Variants in EPB41L5 observed in about 807,000 individuals in gnomAD.
The protein encoded by EPB41L5 is erythrocyte membrane protein band 4.1 like 5.
EPB41L5 carries 55 observed loss-of-function variants against 106.6 expected under a neutral mutation model. The ratio of observed to expected loss-of-function variants is 0.52; its 90% confidence interval spans 0.42 to 0.65. The LOEUF is 0.65. EPB41L5 is among the 30% of genes least tolerant of loss of function. The pLI is 0.00. For missense variants in EPB41L5, 871 were observed against 882.1 expected, an observed-to-expected ratio of 0.99 and a Z score of 0.16; for synonymous variants, 297 against 306.7, an observed-to-expected ratio of 0.97 and a Z score of 0.33.
intron 18 of EPB41L5, among the ~76,000 whole-genome samples, chr2:120,139,068 A>G (rs1044301856): frequency 2.6e-5 from 4 of 152,106 alleles, no homozygotes; most frequent in African/African-American, 9.7e-5. Context: ...GGTGCCAAGA[A>G]CATACACTGG....
At chr2:120,013,314 G>A (rs1156974035) in intron 1 of EPB41L5, 104 bp downstream of exon 1, 4 of 152,246 alleles carry the variant, frequency 2.6e-5, no homozygotes, top group Admixed American at 6.5e-5. Context: ...TGTCCCCGGG[G>A]AGGCGGGCGG....
chr2:120,167,599 AT>A, intron 23 of EPB41L5, 92 bp downstream of exon 23: 1 of 1,356,908 alleles, frequency 7.4e-7, no homozygotes, highest in Non-Finnish European at 1.0e-6. Flanking sequence ...CCTTAAAAAC[AT>A]GAGGGTTGTT....
At chr2:120,060,575 T>C (rs1470956133) in intron 3 of EPB41L5, among the ~76,000 whole-genome samples, 2 of 152,152 alleles carry the variant, frequency 1.3e-5, no homozygotes, top group East Asian at 3.8e-4. Flanking sequence ...ATTATAGAGA[T>C]TGAGATCAAA....
chr2:120,061,841 T>C (rs575153545), intron 3 of EPB41L5, among the ~76,000 whole-genome samples: 2 of 152,324 alleles, frequency 1.3e-5, no homozygotes, highest in African/African-American at 4.8e-5. Context: ...TCTTAAATTG[T>C]TTGGAAAGCT....
chr2:120,157,582 C>T (rs1686954566), intron 20 of EPB41L5, among the ~76,000 whole-genome samples: 1 of 151,958 alleles, frequency 6.6e-6, no homozygotes, highest in African/African-American at 2.4e-5. Context: ...CCAGCCTGAC[C>T]AACATGGCAA....
intron 16 of EPB41L5, among the ~76,000 whole-genome samples, chr2:120,111,282 G>A (rs533420075): frequency 1.3e-5 from 2 of 152,292 alleles, no homozygotes; most frequent in East Asian, 1.9e-4. Context: ...GTGATATTGG[G>A]CATCCCGAAT....
chr2:120,083,315 CATT>C (rs1682818087), intron 10 of EPB41L5, among the ~76,000 whole-genome samples: 2 of 152,182 alleles, frequency 1.3e-5, no homozygotes, highest in African/African-American at 4.8e-5. Flanking sequence ...TCTTTGTTCT[CATT>C]GGTTTCAAAG....
intron 16 of EPB41L5, among the ~76,000 whole-genome samples, chr2:120,120,344 A>C (rs1685154007): frequency 6.7e-6 from 1 of 150,334 alleles, no homozygotes; most frequent in Non-Finnish European, 1.5e-5. Context: ...AGACAGGAGA[A>C]TCGCTTGAAC....
chr2:120,028,012 A>G (rs1206398062), intron 2 of EPB41L5, among the ~76,000 whole-genome samples: 3 of 151,660 alleles, frequency 2.0e-5, no homozygotes, highest in Non-Finnish European at 4.4e-5. Flanking sequence ...ACAGGCGCCC[A>G]CCACCACACC....
In EPB41L5 at chr2:120,145,555, G is replaced by A. The variant is rs566318394; in HGVS notation, c.1729-670G>A. Among the ~76,000 whole-genome samples, 48 of 152,276 alleles carry A rather than the reference G, an allele frequency of 3.2e-4. No homozygotes were observed. The East Asian group carries it at 5.8e-3, about 18-fold the overall frequency. ...GGAAGCCTCAAGGGAATATTGAGGC[G>A]GGGAGTGGGGGAGATAGTAGAAATG... is the stretch of plus-strand genomic sequence containing the variant. On this transcript the variant is annotated intron_variant, in intron 19 of 24. Coordinates refer to ENST00000263713, the MANE Select transcript of EPB41L5 (RefSeq NM_020909.4).
intron 22 of EPB41L5, among the ~76,000 whole-genome samples, chr2:120,165,194 G>A (rs543952189): frequency 6.6e-6 from 1 of 152,230 alleles, no homozygotes; most frequent in Non-Finnish European, 1.5e-5. Context: ...GAGACAATAA[G>A]GATATATTTA....
At chr2:120,054,466 G>C (rs184338923) in intron 3 of EPB41L5, among the ~76,000 whole-genome samples, 1 of 152,038 alleles carries the variant, frequency 6.6e-6, no homozygotes, top group East Asian at 1.9e-4. Flanking sequence ...CCTATTCTGA[G>C]GTCATAAAGA....
chr2:120,152,399 G>A (rs115835665), intron 20 of EPB41L5, among the ~76,000 whole-genome samples: 1,773 of 151,790 alleles, frequency 0.012, 19 homozygotes, highest in South Asian at 0.04. Flanking sequence ...TATTCTTCTC[G>A]ATGCAGTTTG....
rs138789108 is a variant in EPB41L5 at position 120,106,948 on chromosome 2, A to G, written c.1337+6134A>G. On this transcript the variant is annotated intron_variant, in intron 16 of 24. Transcript: ENST00000263713. ...GTATAATATGTCTGTTTTGAAAAGCACCTAGTATACAAACACTAATATTGT... is the reference window on the plus strand; with the variant it reads ...GTATAATATGTCTGTTTTGAAAAGCGCCTAGTATACAAACACTAATATTGT... 35 of 914,894 alleles carry G rather than the reference A, an allele frequency of 3.8e-5. No homozygotes were observed. In the East Asian group the frequency reaches 3.4e-3, roughly 90 times the overall value. The allele number at this position is 914,894 out of a possible 1,614,324, so 56.7% of individuals were successfully genotyped here.
At chr2:120,147,032 A>G (rs1490450903) in intron 20 of EPB41L5, among the ~76,000 whole-genome samples, 1 of 152,220 alleles carries the variant, frequency 6.6e-6, no homozygotes, top group Non-Finnish European at 1.5e-5. Context: ...GGGTAAAGCT[A>G]GAATTACAAC....
chr2:120,016,867 C>A (rs370377575), intron 1 of EPB41L5, among the ~76,000 whole-genome samples: 1 of 151,720 alleles, frequency 6.6e-6, no homozygotes, highest in East Asian at 1.9e-4. Flanking sequence ...GGGAGAAATA[C>A]CTGGAAAAAA....
intron 2 of EPB41L5, among the ~76,000 whole-genome samples, chr2:120,037,717 TAGAG>T (rs1240639265): frequency 6.6e-6 from 1 of 151,972 alleles, no homozygotes; most frequent in Non-Finnish European, 1.5e-5. Flanking sequence ...TGGAATAGAA[TAGAG>T]AGACTAGAAA....
At chr2:120,036,877 TAAATG>T (rs1262311072) in intron 2 of EPB41L5, among the ~76,000 whole-genome samples, 3 of 152,010 alleles carry the variant, frequency 2.0e-5, no homozygotes. Flanking sequence ...AATTAAGAAA[TAAATG>T]AAATTCAAAA....
At chr2:120,039,238 CAG>C (rs1021188270) in intron 2 of EPB41L5, among the ~76,000 whole-genome samples, 3 of 151,324 alleles carry the variant, frequency 2.0e-5, no homozygotes, top group African/African-American at 4.9e-5. Context: ...TTCTTAGAGA[CAG>C]AAAGTATTAA....
Sources: allele counts gnomAD v4.1 joint callset (sites outside exome capture counted in the v4.1 genomes callset), GRCh38; gene constraint gnomAD v4.1.1; transcripts MANE v1.5; gene names NCBI Gene and HGNC (gene_info 2026-07-23, HGNC 2026-07-21).